The following COL6A5 variants were observed in gnomAD, a reference collection of about 807,000 sequenced individuals.
COL6A5 encodes the protein collagen alpha-5(VI) chain.
In COL6A5, 48 loss-of-function variants were observed where a neutral mutation model predicts 65.6. The ratio of observed to expected loss-of-function variants is 0.73; its 90% confidence interval spans 0.58 to 0.93. The LOEUF (loss-of-function observed/expected upper bound fraction) is 0.93, where lower values mean the gene tolerates loss of function less well. Ranked by LOEUF, COL6A5 falls within the 40% of genes least tolerant of loss-of-function variation. The probability of loss-of-function intolerance (pLI) is 0.00; values close to 1 mark genes in which losing one functional copy is unlikely to be tolerated. For missense variants in COL6A5, 914 were observed against 928.3 expected (o/e 0.98, Z 0.20); for synonymous variants, 291 against 322.8 (o/e 0.90, Z 1.05).
At position 130,451,993 on chromosome 3, in the gene COL6A5, C is replaced by T. The variant is rs115305704; in HGVS notation, c.1333-3462C>T. The stretch of plus-strand genomic sequence containing the variant: ...GCACCAACACGATCCCATAGTTCTA[C>T]ATCTAAGGTTCCTTTTTCAGGAAAC... On this transcript the variant is annotated intron_variant, in intron 4 of 7. Transcript: ENST00000512836. Among the ~76,000 whole-genome samples the T allele has an allele frequency of 6.3e-3, 955 of 152,292 alleles. 1 individual carries two copies. Among genetic ancestry groups the T allele is most frequent in the East Asian group, 0.018 (95 of 5,170 alleles).
intron 23 of COL6A5, among the ~76,000 whole-genome samples, chr3:130,416,522 T>A (rs1937342150): frequency 6.6e-6 from 1 of 152,116 alleles, no homozygotes; most frequent in Non-Finnish European, 1.5e-5. Context: ...CTAAGCCCCG[T>A]ATGGACTAGT....
intron 3 of COL6A5, among the ~76,000 whole-genome samples, chr3:130,442,477 G>A (rs1709207721): frequency 6.6e-6 from 1 of 152,180 alleles, no homozygotes; most frequent in Admixed American, 6.5e-5. Flanking sequence ...GGGCTGTTAA[G>A]TGGCTTTGCA....
intron 1 of COL6A5, among the ~76,000 whole-genome samples, chr3:130,350,413 A>T (rs1156341820): frequency 6.6e-6 from 1 of 152,196 alleles, no homozygotes; most frequent in Non-Finnish European, 1.5e-5. Context: ...AGAAAACCCC[A>T]TTGTCTCAGC....
At chr3:130,455,609 T>C (rs1553758670) in exon 5 of COL6A5, 1 of 1,613,240 alleles carries the variant, frequency 6.2e-7, no homozygotes, top group South Asian at 1.1e-5. Flanking sequence ...GCCACAAAAA[T>C]TAATGATCAA....
intron 4 of COL6A5, among the ~76,000 whole-genome samples, chr3:130,447,023 G>A (rs7631888): frequency 0.11 from 16,062 of 152,070 alleles, 1,179 homozygotes; most frequent in African/African-American, 0.2. Flanking sequence ...CGATTGGCCC[G>A]TTCCACCACA....
chr3:130,349,871 T>C (rs191836294), intron 1 of COL6A5, among the ~76,000 whole-genome samples: 1 of 152,338 alleles, frequency 6.6e-6, no homozygotes, highest in East Asian at 1.9e-4. Flanking sequence ...TGGTTATTAG[T>C]AGCCCAGGCT....
At chr3:130,385,716 G>A (rs1379313217) in intron 5 of COL6A5, among the ~76,000 whole-genome samples, 1 of 151,964 alleles carries the variant, frequency 6.6e-6, no homozygotes, top group Non-Finnish European at 1.5e-5. Flanking sequence ...TACGGGGGAA[G>A]TACAGTGTTT....
At chr3:130,441,631 A>G (rs1233341458) in intron 3 of COL6A5, among the ~76,000 whole-genome samples, 1 of 152,190 alleles carries the variant, frequency 6.6e-6, no homozygotes, top group East Asian at 1.9e-4. Context: ...ATGCTCTTCT[A>G]GAGCAATTGT....
intron 7 of COL6A5, 83 bp downstream of exon 7, chr3:130,391,837 T>C: frequency 2.0e-6 from 2 of 1,022,232 alleles, no homozygotes; most frequent in Non-Finnish European, 2.8e-6. Flanking sequence ...AGGTCTCCGA[T>C]TACCTGGATG....
chr3:130,420,463 T>G (rs1310651738), intron 25 of COL6A5, among the ~76,000 whole-genome samples: 1 of 152,150 alleles, frequency 6.6e-6, no homozygotes, highest in East Asian at 1.9e-4. Context: ...AGTTTTTCAC[T>G]GTGGTAAACA....
intron 5 of COL6A5, 81 bp from the exon 38 acceptor site, chr3:130,468,714 G>A (rs1559918873): frequency 2.2e-6 from 2 of 895,684 alleles, no homozygotes; most frequent in East Asian, 5.2e-5. Context: ...ATAACCTCAT[G>A]CTGTGTATTT....
At chr3:130,406,384 G>A in intron 17 of COL6A5, 63 bp downstream of exon 17, 3 of 1,283,700 alleles carry the variant, frequency 2.3e-6, no homozygotes, top group East Asian at 2.5e-5. Flanking sequence ...AGTCTTAACT[G>A]CTGTGTGTCA....
At chr3:130,404,725 C>A (rs916630826) in intron 13 of COL6A5, among the ~76,000 whole-genome samples, 2 of 152,186 alleles carry the variant, frequency 1.3e-5, no homozygotes, top group Admixed American at 6.5e-5. Context: ...AAGGCCTCCT[C>A]CTTTTGCAGG....
rs1937603910 is a variant in COL6A5, at chr3:130,426,407, A to C, written c.5236+4A>C. ...CGGTTTTTGCGGGAACATAGTCGTGAGTATCTGTTACGGAACAAGAGCATC... is the reference window on the plus strand; with the variant it reads ...CGGTTTTTGCGGGAACATAGTCGTGCGTATCTGTTACGGAACAAGAGCATC... On this transcript the variant is annotated splice_donor_region_variant and intron_variant and NMD_transcript_variant, in intron 31 of 41. Coordinates refer to the COL6A5 transcript ENST00000312481. 6.4e-7 allele frequency: 1 copy of C among 1,550,946 alleles called. No homozygotes were observed. The highest frequency in any genetic ancestry group is 8.7e-7 in the Non-Finnish European group (1 of 1,146,564).
chr3:130,431,477 C>T (rs1208185836), exon 1 of COL6A5: 11 of 1,549,422 alleles, frequency 7.1e-6, no homozygotes, highest in Non-Finnish European at 9.6e-6. Context: ...AAATGTCCAG[C>T]ATATCCAACA....
chr3:130,472,090 A>C (rs1237451521), intron 7 of COL6A5, among the ~76,000 whole-genome samples, 164 bp downstream of exon 40: 1 of 152,090 alleles, frequency 6.6e-6, no homozygotes, highest in Non-Finnish European at 1.5e-5. Context: ...AAAACTTCAG[A>C]AAGGCAAAAA....
intron 7 of COL6A5, among the ~76,000 whole-genome samples, chr3:130,392,403 T>A (rs1936434802): frequency 6.6e-6 from 1 of 152,110 alleles, no homozygotes; most frequent in South Asian, 2.1e-4. Context: ...GACATCACAT[T>A]TGAGTGAGGA....
intron 24 of COL6A5, among the ~76,000 whole-genome samples, chr3:130,418,263 C>T (rs909608316): frequency 2.0e-5 from 3 of 152,062 alleles, no homozygotes; most frequent in Non-Finnish European, 4.4e-5. Flanking sequence ...TACCTCCCTC[C>T]TGCGTGCCTG....
chr3:130,476,041 G>T (rs928059609), intron 7 of COL6A5, among the ~76,000 whole-genome samples: 4 of 152,034 alleles, frequency 2.6e-5, no homozygotes, highest in Non-Finnish European at 5.9e-5. Flanking sequence ...TTGAAGAGGA[G>T]GTATATTAGT....
Sources: gnomAD v4.1 joint callset for allele counts (sites outside exome capture counted in the v4.1 genomes callset) on GRCh38, gnomAD v4.1.1 for gene constraint, MANE v1.5 for transcripts, NCBI Gene and HGNC (gene_info 2026-07-23, HGNC 2026-07-21) for gene names.